Variants in CACNA2D3 observed in about 807,000 individuals in gnomAD.
The protein encoded by CACNA2D3 is calcium voltage-gated channel auxiliary subunit alpha2delta 3.
A neutral mutation model predicts 160.6 loss-of-function variants in CACNA2D3; 60 were observed. The observed-to-expected ratio is 0.37, with a 90% confidence interval of 0.30 to 0.46. The LOEUF (loss-of-function observed/expected upper bound fraction) is 0.46. CACNA2D3 is among the 20% of genes least tolerant of loss of function. CACNA2D3 has a pLI of 1.00. For synonymous variants in CACNA2D3, 558 were observed against 492.9 expected (o/e 1.13, Z -1.75); for missense variants, 1,205 against 1,365.0 (o/e 0.88, Z 1.85).
chr3:54,258,556 A>G (rs1310815226), intron 2 of CACNA2D3, among the ~76,000 whole-genome samples: 1 of 152,242 alleles, frequency 6.6e-6, no homozygotes, highest in African/African-American at 2.4e-5. Flanking sequence ...CCAGCTCATG[A>G]GCCTGAAGCC....
At chr3:54,918,720 C>T in intron 27 of CACNA2D3, 1 of 1,614,132 alleles carries the variant, frequency 6.2e-7, no homozygotes, top group Non-Finnish European at 8.5e-7. Context: ...CGTTGTGGTT[C>T]TCAGGAGGCC....
chr3:54,334,021 A>G lies in CACNA2D3; in HGVS notation c.321+13463A>G, dbSNP rs1704323448. Reference sequence around the variant, plus strand: ...TTTAAGAAGGTCAGCCTTGGGAATTACTTCCTCTTGTAGAAGTGGAAGTGC... The same window carrying G: ...TTTAAGAAGGTCAGCCTTGGGAATTGCTTCCTCTTGTAGAAGTGGAAGTGC... On this transcript the variant is annotated intron_variant, in intron 3 of 37. Transcript: ENST00000474759. Among the ~76,000 whole-genome samples the G allele has an allele frequency of 2.0e-5, 3 of 152,216 alleles. No individual in the cohort carries two copies. The South Asian group carries it at 6.2e-4, about 31-fold the overall frequency.
chr3:54,883,558 C>T (rs896074277), intron 21 of CACNA2D3, among the ~76,000 whole-genome samples: 3 of 152,050 alleles, frequency 2.0e-5, no homozygotes, highest in African/African-American at 7.2e-5. Flanking sequence ...ATTTATAGGT[C>T]CTGTGAAATA....
At chr3:55,018,086 C>T in intron 34 of CACNA2D3, 120 bp from the exon 35 acceptor site, 1 of 663,396 alleles carries the variant, frequency 1.5e-6, no homozygotes. Context: ...TTATGCTGTG[C>T]TAGAAAAATC....
intron 14 of CACNA2D3, among the ~76,000 whole-genome samples, chr3:54,830,841 G>A (rs756184948): frequency 6.6e-6 from 1 of 151,976 alleles, no homozygotes. Context: ...CCAGGACCTC[G>A]TGCCTGCAAT....
At chr3:54,494,998 A>G (rs1312665547) in intron 4 of CACNA2D3, among the ~76,000 whole-genome samples, 1 of 152,172 alleles carries the variant, frequency 6.6e-6, no homozygotes, top group East Asian at 1.9e-4. Flanking sequence ...TTTGGATTAC[A>G]ATTCAAGATG....
intron 2 of CACNA2D3, among the ~76,000 whole-genome samples, chr3:54,207,625 G>A (rs1266468689): frequency 6.6e-6 from 1 of 152,166 alleles, no homozygotes; most frequent in East Asian, 1.9e-4. Flanking sequence ...CCAGCAGAGA[G>A]GAGAAATGTG....
At chr3:54,864,739 C>G (rs1193093415) in intron 17 of CACNA2D3, among the ~76,000 whole-genome samples, 1 of 152,158 alleles carries the variant, frequency 6.6e-6, no homozygotes, top group Admixed American at 6.5e-5. Flanking sequence ...TCAGCAGTTG[C>G]CACCTGAACC....
At chr3:54,812,730 C>T (rs1051122434) in intron 13 of CACNA2D3, among the ~76,000 whole-genome samples, 3 of 152,152 alleles carry the variant, frequency 2.0e-5, no homozygotes, top group African/African-American at 7.2e-5. Context: ...AGAAGTAGCA[C>T]TGGTTGGAGC....
chr3:54,237,753 G>A lies in CACNA2D3; in HGVS notation c.205-82689G>A, dbSNP rs1218539215. On this transcript the variant is annotated intron_variant, in intron 2 of 37. Coordinates refer to ENST00000474759, the MANE Select transcript of CACNA2D3 (RefSeq NM_018398.3). ...GGCTGCACCTAAGCATGCTGACTCT[G>A]GCTCAGTTTCCCCTTGGCTGCATTT... Among the ~76,000 whole-genome samples, 3 of 152,172 alleles carry A rather than the reference G, an allele frequency of 2.0e-5. 1 individual carries two copies. Among genetic ancestry groups the A allele is most frequent in the Non-Finnish European group, 4.4e-5 (3 of 68,044 alleles).
chr3:54,928,355 G>T (rs1701088205), intron 27 of CACNA2D3, among the ~76,000 whole-genome samples: 1 of 152,098 alleles, frequency 6.6e-6, no homozygotes, highest in East Asian at 1.9e-4. Context: ...TCTTAATCCG[G>T]CTGTGGCTTC....
At chr3:54,494,841 A>G (rs1701178503) in intron 4 of CACNA2D3, among the ~76,000 whole-genome samples, 1 of 152,072 alleles carries the variant, frequency 6.6e-6, no homozygotes, top group Admixed American at 6.6e-5. Context: ...AGAGGGAGAG[A>G]GAGAGAGCAA....
chr3:54,789,187 A>G (rs1559582288), intron 13 of CACNA2D3, among the ~76,000 whole-genome samples: 1 of 152,210 alleles, frequency 6.6e-6, no homozygotes, highest in Non-Finnish European at 1.5e-5. Context: ...TGAGATAGGT[A>G]TTATTGTTAT....
At chr3:55,012,537 C>G (rs896147993) in intron 34 of CACNA2D3, among the ~76,000 whole-genome samples, 1 of 152,102 alleles carries the variant, frequency 6.6e-6, no homozygotes, top group Admixed American at 6.5e-5. Context: ...TATTTTGGTC[C>G]TATGGATTCT....
chr3:54,144,463 G>A (rs1699990137), intron 2 of CACNA2D3, among the ~76,000 whole-genome samples: 1 of 152,350 alleles, frequency 6.6e-6, no homozygotes, highest in African/African-American at 2.4e-5. Flanking sequence ...TGCCCTGTGT[G>A]TGTGCATTGC....
intron 13 of CACNA2D3, among the ~76,000 whole-genome samples, chr3:54,805,375 T>C (rs373243022): frequency 2.2e-4 from 33 of 152,200 alleles, no homozygotes; most frequent in African/African-American, 4.3e-4. Context: ...GGGATATCAC[T>C]ACCGATCCCA....
intron 32 of CACNA2D3, among the ~76,000 whole-genome samples, chr3:55,006,929 C>T (rs1277502502): frequency 6.6e-6 from 1 of 152,176 alleles, no homozygotes; most frequent in Non-Finnish European, 1.5e-5. Context: ...CTAAAGGCAA[C>T]CACAAAAGGT....
intron 11 of CACNA2D3, among the ~76,000 whole-genome samples, chr3:54,650,754 G>T (rs1056213348): frequency 1.3e-5 from 2 of 152,186 alleles, no homozygotes; most frequent in African/African-American, 4.8e-5. Context: ...ACCTGCCTCA[G>T]TCTCCCAAAG....
intron 14 of CACNA2D3, among the ~76,000 whole-genome samples, chr3:54,830,830 T>C (rs904848389): frequency 1.3e-5 from 2 of 152,074 alleles, no homozygotes; most frequent in Non-Finnish European, 2.9e-5. Flanking sequence ...CTTTTTGTCG[T>C]CCAGGACCTC....
Sources: allele counts gnomAD v4.1 joint callset (sites outside exome capture counted in the v4.1 genomes callset), GRCh38; gene constraint gnomAD v4.1.1; transcripts MANE v1.5; gene names NCBI Gene and HGNC (gene_info 2026-07-23, HGNC 2026-07-21).